XKR6: variants seen among roughly 807,000 people sequenced by gnomAD.
The protein encoded by XKR6 is XK-related protein 6.
Under a neutral mutation model 56.7 loss-of-function variants are expected in XKR6, and 22 were observed. That is an observed-to-expected ratio of 0.39 (90% CI 0.28 to 0.55). The LOEUF (loss-of-function observed/expected upper bound fraction) is 0.55, where lower values mean the gene tolerates loss of function less well. XKR6 is among the 20% of genes least tolerant of loss of function. XKR6 has a pLI of 0.66. For missense variants in XKR6, 852 were observed against 889.0 expected (o/e 0.96, Z 0.53); for synonymous variants, 524 against 387.8 (o/e 1.35, Z -4.13).
At chr8:11,049,037 C>G (rs559425267) in intron 1 of XKR6, among the ~76,000 whole-genome samples, 5 of 152,284 alleles carry the variant, frequency 3.3e-5, no homozygotes, top group African/African-American at 1.2e-4. Flanking sequence ...GTGACTATGC[C>G]CTAGGTGGTA....
intron 1 of XKR6, among the ~76,000 whole-genome samples, chr8:11,057,574 A>T (rs1799717221): frequency 6.6e-6 from 1 of 152,186 alleles, no homozygotes. Context: ...CATTCCCATG[A>T]GTTCCCACGG....
chr8:11,161,656 A>C (rs1026650912), intron 1 of XKR6, among the ~76,000 whole-genome samples: 2 of 152,222 alleles, frequency 1.3e-5, no homozygotes, highest in Non-Finnish European at 2.9e-5. Context: ...AGTGGCTCCT[A>C]TAGTTCTTTA....
chr8:10,914,188 C>T (rs898356834), intron 2 of XKR6, among the ~76,000 whole-genome samples: 10 of 151,954 alleles, frequency 6.6e-5, no homozygotes, highest in African/African-American at 2.4e-4. Flanking sequence ...AGCCCACTGC[C>T]GTAATCACTG....
chr8:11,134,887 T>C (rs765188160), intron 1 of XKR6, among the ~76,000 whole-genome samples: 6 of 152,088 alleles, frequency 3.9e-5, no homozygotes, highest in Non-Finnish European at 8.8e-5. Flanking sequence ...TATACAACCA[T>C]AGAAAATTAT....
chr8:10,984,408 C>A (rs1347823941), intron 1 of XKR6, among the ~76,000 whole-genome samples: 1 of 152,124 alleles, frequency 6.6e-6, no homozygotes, highest in African/African-American at 2.4e-5. Flanking sequence ...ATTATCAATA[C>A]AGATTTTTAG....
intron 2 of XKR6, among the ~76,000 whole-genome samples, chr8:10,909,881 A>G (rs910597073): frequency 3.3e-5 from 5 of 151,786 alleles, no homozygotes; most frequent in Admixed American, 1.3e-4. Flanking sequence ...CAGTGTCCCT[A>G]TTTTTCAGAG....
chr8:10,898,926 AG>A lies in XKR6; in HGVS notation c.962-11del, dbSNP rs1299809194. On this transcript the variant is annotated splice_polypyrimidine_tract_variant and intron_variant, in intron 2 of 2. Transcript: ENST00000416569. This position sits in a 1 kb window ranked among gnomAD's most constrained non-coding sequence, Gnocchi z 6.6. Reference sequence around the variant, plus strand: ...GTCACAGAGGAGACACCTGCCGGAAAGACACAAACCCACACAGTCAAAACCT... The same window carrying A: ...GTCACAGAGGAGACACCTGCCGGAAAACACAAACCCACACAGTCAAAACCT... 2 of 1,591,148 alleles carry A rather than the reference AG, an allele frequency of 1.3e-6. No individual in the cohort carries two copies. The highest frequency in any genetic ancestry group is 2.7e-5 in the African/African-American group (2 of 74,296).
intron 2 of XKR6, among the ~76,000 whole-genome samples, chr8:10,909,681 G>A (rs1484706228): frequency 6.6e-6 from 1 of 152,200 alleles, no homozygotes; most frequent in African/African-American, 2.4e-5. Context: ...TCCAAACACG[G>A]GAAAGGGAGT....
At chr8:11,166,084 T>G (rs1802056043) in intron 1 of XKR6, among the ~76,000 whole-genome samples, 1 of 151,806 alleles carries the variant, frequency 6.6e-6, no homozygotes, top group Non-Finnish European at 1.5e-5. Flanking sequence ...GCCTCCCGAG[T>G]AGCTGGGATT....
chr8:10,969,345 C>G (rs1289540675), intron 1 of XKR6, among the ~76,000 whole-genome samples: 1 of 152,214 alleles, frequency 6.6e-6, no homozygotes, highest in Non-Finnish European at 1.5e-5. Flanking sequence ...CCAATAGTCT[C>G]AGATCAAGTT....
intron 1 of XKR6, chr8:11,107,795 G>C (rs1337072323): frequency 1.3e-5 from 2 of 155,788 alleles, no homozygotes; most frequent in Admixed American, 1.3e-4. Flanking sequence ...ATGTTTGCGA[G>C]GTGAGAGTTG....
intron 1 of XKR6, among the ~76,000 whole-genome samples, chr8:11,183,760 A>G (rs1165481341): frequency 6.6e-6 from 1 of 152,210 alleles, no homozygotes; most frequent in Admixed American, 6.5e-5. Flanking sequence ...ATATTACTAT[A>G]AGGCCCCTAA....
At chr8:11,151,152 C>G (rs1359699167) in intron 1 of XKR6, among the ~76,000 whole-genome samples, 1 of 152,138 alleles carries the variant, frequency 6.6e-6, no homozygotes, top group East Asian at 1.9e-4. Flanking sequence ...CTTTCTCCCC[C>G]GCAAGTGACA....
chr8:11,134,668 C>T lies in XKR6; in HGVS notation c.764+65908G>A, dbSNP rs114887421. On this transcript the variant is annotated intron_variant, in intron 1 of 2. Transcript: ENST00000416569. ...GAGTTGGAGTGTAAACTGGTACAAC[C>T]GTTTATGAAGGCTATCTGAATACAC... Among the ~76,000 whole-genome samples, 890 of 151,906 alleles carry T rather than the reference C, an allele frequency of 5.9e-3. 18 individuals are homozygous for T. Among genetic ancestry groups the T allele is most frequent in the African/African-American group, 0.021 (858 of 41,370 alleles).
chr8:11,052,186 T>C (rs1799566968), intron 1 of XKR6, among the ~76,000 whole-genome samples: 1 of 152,072 alleles, frequency 6.6e-6, no homozygotes, highest in South Asian at 2.1e-4. Flanking sequence ...GAGCTGCGCT[T>C]GGGGTCTCCT....
intron 1 of XKR6, among the ~76,000 whole-genome samples, chr8:11,180,434 A>G (rs1345752182): frequency 6.6e-6 from 1 of 152,200 alleles, no homozygotes; most frequent in Non-Finnish European, 1.5e-5. Context: ...GCCTCTACCA[A>G]CTAGATGCCA....
At chr8:11,059,065 C>T (rs954735284) in intron 1 of XKR6, among the ~76,000 whole-genome samples, 1 of 150,482 alleles carries the variant, frequency 6.6e-6, no homozygotes, top group African/African-American at 2.5e-5. Flanking sequence ...CAGGACCAGG[C>T]TCTCACCCAC....
intron 1 of XKR6, among the ~76,000 whole-genome samples, chr8:11,073,028 C>T (rs1358666338): frequency 1.1e-4 from 16 of 151,834 alleles, no homozygotes; most frequent in Middle Eastern, 3.4e-3. Flanking sequence ...CCAGCCTCAG[C>T]GACAGAGCGA....
At chr8:11,126,883 G>A (rs1799826936) in intron 1 of XKR6, among the ~76,000 whole-genome samples, 1 of 152,200 alleles carries the variant, frequency 6.6e-6, no homozygotes, top group South Asian at 2.1e-4. Context: ...TAAACCAAAG[G>A]GACCCAGATG....
Sources: gnomAD v4.1 joint callset for allele counts (sites outside exome capture counted in the v4.1 genomes callset) on GRCh38, gnomAD v4.1.1 for gene constraint, Gnocchi (gnomAD v3.1) non-coding constraint, MANE v1.5 for transcripts, NCBI Gene and HGNC (gene_info 2026-07-23, HGNC 2026-07-21) for gene names.